The following SNTG1 variants were observed in gnomAD, a reference collection of about 807,000 sequenced individuals.
SNTG1 encodes syntrophin gamma 1.
Under a neutral mutation model 74.7 loss-of-function variants are expected in SNTG1, and 39 were observed. The observed-to-expected ratio is 0.52, with a 90% confidence interval of 0.40 to 0.68. The LOEUF (loss-of-function observed/expected upper bound fraction) is 0.68, where lower values mean the gene tolerates loss of function less well. Among genes scored for constraint, SNTG1 ranks in the 30% least tolerant of loss-of-function variants. The pLI is 0.00. For synonymous variants in SNTG1, 254 were observed against 217.1 expected, an observed-to-expected ratio of 1.17 and a Z score of -1.49; for missense variants, 685 against 609.5, an observed-to-expected ratio of 1.12 and a Z score of -1.30.
At chr8:50,410,280 T>C (rs1351490429) in intron 4 of SNTG1, among the ~76,000 whole-genome samples, 1 of 152,104 alleles carries the variant, frequency 6.6e-6, no homozygotes, top group Non-Finnish European at 1.5e-5. Context: ...GATAGGAACA[T>C]TGTTTTTTCT....
intron 2 of SNTG1, among the ~76,000 whole-genome samples, chr8:50,376,476 G>A (rs976479589): frequency 1.2e-4 from 18 of 151,946 alleles, no homozygotes; most frequent in African/African-American, 4.1e-4. Flanking sequence ...AAAAGTCAGT[G>A]ATGTATCATT....
chr8:50,350,729 T>C (rs1211854280), intron 2 of SNTG1, among the ~76,000 whole-genome samples: 1 of 152,168 alleles, frequency 6.6e-6, no homozygotes, highest in African/African-American at 2.4e-5. Flanking sequence ...TTGGAGAACC[T>C]TTATGTCAAC....
chr8:50,063,016 A>G (rs1820607811), intron 1 of SNTG1, among the ~76,000 whole-genome samples: 1 of 152,192 alleles, frequency 6.6e-6, no homozygotes, highest in Non-Finnish European at 1.5e-5. Flanking sequence ...TTAAATTTAC[A>G]AGATGTTTAA....
intron 2 of SNTG1, among the ~76,000 whole-genome samples, chr8:50,305,871 A>G (rs922833256): frequency 5.9e-5 from 9 of 151,352 alleles, no homozygotes; most frequent in Admixed American, 4.0e-4. Flanking sequence ...AACATTGCCA[A>G]AAGTTATACA....
chr8:50,019,659 A>T (rs558734924), intron 1 of SNTG1, among the ~76,000 whole-genome samples: 1 of 152,124 alleles, frequency 6.6e-6, no homozygotes, highest in Admixed American at 6.6e-5. Flanking sequence ...GATAAAACTG[A>T]TTCATACATT....
intron 4 of SNTG1, among the ~76,000 whole-genome samples, chr8:50,438,042 A>G (rs1161467671): frequency 6.6e-6 from 1 of 152,134 alleles, no homozygotes; most frequent in African/African-American, 2.4e-5. Context: ...TGGTTTATTC[A>G]CTTTCAATCT....
intron 17 of SNTG1, among the ~76,000 whole-genome samples, chr8:50,748,000 C>G (rs778680955): frequency 6.6e-6 from 1 of 151,718 alleles, no homozygotes; most frequent in Non-Finnish European, 1.5e-5. Flanking sequence ...CCCCATGTAC[C>G]AAGATAGGAA....
intron 1 of SNTG1, among the ~76,000 whole-genome samples, chr8:50,012,075 A>G (rs1478081378): frequency 4.6e-5 from 7 of 152,196 alleles, no homozygotes; most frequent in Non-Finnish European, 1.0e-4. Flanking sequence ...GTCTGTGGCA[A>G]AAAGTTTGGT....
chr8:50,248,672 C>A (rs4873439), intron 2 of SNTG1, among the ~76,000 whole-genome samples: 1 of 151,732 alleles, frequency 6.6e-6, no homozygotes, highest in Non-Finnish European at 1.5e-5. Context: ...GAGACCACCA[C>A]AAAAATAAGG....
chr8:50,220,859 T>C (rs1435935050), intron 2 of SNTG1, among the ~76,000 whole-genome samples: 2 of 152,224 alleles, frequency 1.3e-5, no homozygotes, highest in Non-Finnish European at 1.5e-5. Flanking sequence ...TTGTCTAAAA[T>C]ATTTGTGGAT....
intron 1 of SNTG1, among the ~76,000 whole-genome samples, chr8:50,022,730 A>T (rs971247986): frequency 6.6e-6 from 1 of 152,182 alleles, no homozygotes; most frequent in Non-Finnish European, 1.5e-5. Flanking sequence ...CAGAGCATAC[A>T]TGGATTAGGA....
chr8:50,519,995 C>A (rs1047389199), intron 9 of SNTG1, among the ~76,000 whole-genome samples: 1 of 152,038 alleles, frequency 6.6e-6, no homozygotes, highest in African/African-American at 2.4e-5. Flanking sequence ...CAATCCTAAG[C>A]AAAAAGAACA....
intron 12 of SNTG1, among the ~76,000 whole-genome samples, chr8:50,576,668 G>A (rs897212462): frequency 1.1e-4 from 16 of 151,140 alleles, no homozygotes; most frequent in South Asian, 6.3e-4. Flanking sequence ...TTTTATAAGC[G>A]TTTCACCTCT....
At chr8:50,296,946 T>C (rs2089411628) in intron 2 of SNTG1, among the ~76,000 whole-genome samples, 1 of 152,128 alleles carries the variant, frequency 6.6e-6, no homozygotes, top group Non-Finnish European at 1.5e-5. Context: ...CATAAATCCA[T>C]CTGGAGATTT....
At chr8:50,546,940 C>G (rs529748525) in intron 11 of SNTG1, among the ~76,000 whole-genome samples, 1 of 152,154 alleles carries the variant, frequency 6.6e-6, no homozygotes, top group East Asian at 1.9e-4. Flanking sequence ...CACAACCATG[C>G]CTGGCTAATT....
intron 1 of SNTG1, among the ~76,000 whole-genome samples, chr8:49,999,335 C>A (rs954304230): frequency 4.6e-5 from 7 of 152,142 alleles, no homozygotes; most frequent in South Asian, 4.1e-4. Context: ...TGTCTCACTG[C>A]CTCTCTGCTG....
intron 1 of SNTG1, among the ~76,000 whole-genome samples, chr8:50,077,986 G>A (rs1311076525): frequency 6.6e-6 from 1 of 152,060 alleles, no homozygotes; most frequent in Non-Finnish European, 1.5e-5. Context: ...GTGTGCATTT[G>A]TAATTACATC....
intron 2 of SNTG1, among the ~76,000 whole-genome samples, chr8:50,194,925 C>T (rs1014552556): frequency 1.3e-5 from 2 of 151,776 alleles, no homozygotes; most frequent in African/African-American, 4.8e-5. Context: ...TGTTTTTGAC[C>T]CAGAAGATGA....
intron 2 of SNTG1, among the ~76,000 whole-genome samples, chr8:50,288,921 G>C (rs1175389568): frequency 6.6e-6 from 1 of 152,116 alleles, no homozygotes; most frequent in Non-Finnish European, 1.5e-5. Context: ...GCACAGAGCT[G>C]TGTCCTAAGG....
Sources: gnomAD v4.1 joint callset for allele counts (sites outside exome capture counted in the v4.1 genomes callset) on GRCh38, gnomAD v4.1.1 for gene constraint, MANE v1.5 for transcripts, NCBI Gene and HGNC (gene_info 2026-07-23, HGNC 2026-07-21) for gene names.